The following MLLT1 variants were observed in gnomAD, a reference collection of about 807,000 sequenced individuals.
MLLT1 encodes MLLT1 super elongation complex subunit.
In MLLT1, 11 loss-of-function variants were observed where a neutral mutation model predicts 55.1. The ratio of observed to expected loss-of-function variants is 0.20; its 90% CI spans 0.13 to 0.33. MLLT1 has a LOEUF of 0.33. MLLT1 is among the 10% of genes least tolerant of loss of function. MLLT1 has a pLI of 1.00. For missense variants in MLLT1, 536 were observed against 760.6 expected (o/e 0.70, Z 3.47); for synonymous variants, 323 against 320.1 (o/e 1.01, Z -0.10).
Position 6,213,173 on chromosome 19 carries a change from G to A in MLLT1, c.1552-3C>T. The A allele has an allele frequency of 6.2e-7, 1 of 1,613,964 alleles. No individual in the cohort carries two copies. Among genetic ancestry groups the A allele is most frequent in the Non-Finnish European group, 8.5e-7 (1 of 1,179,884 alleles). ...GTCTCCTCGATCAGATTCACAATCTGTAAGGTGGTGGCAGGTGGCTTCAGG... is the reference window on the plus strand; with the variant it reads ...GTCTCCTCGATCAGATTCACAATCTATAAGGTGGTGGCAGGTGGCTTCAGG... On this transcript the variant is annotated splice_polypyrimidine_tract_variant and splice_region_variant and intron_variant, in intron 11 of 11. Coordinates refer to ENST00000252674, the MANE Select transcript of MLLT1 (RefSeq NM_005934.4).
intron 1 of MLLT1, among the ~76,000 whole-genome samples, chr19:6,279,259 G>T (rs1401477700): frequency 6.6e-6 from 1 of 152,128 alleles, no homozygotes; most frequent in Non-Finnish European, 1.5e-5. Context: ...CGGGGACAAG[G>T]GTCCAGACAG....
At position 6,226,866 on chromosome 19, in the gene MLLT1, G is replaced by A; in HGVS notation, c.546+111C>T. 2.4e-6 allele frequency: 2 copies of A among 828,254 alleles called. No individual in the cohort carries two copies. The highest frequency in any genetic ancestry group is 3.5e-6 in the Non-Finnish European group (2 of 569,456). The allele number at this position is 828,254 out of a possible 1,614,324, so 51.3% of individuals were successfully genotyped here. A position where few individuals can be genotyped will look rare whatever the true frequency, so the allele number is the denominator to read the frequency against. On this transcript the variant is annotated intron_variant, in intron 5 of 11. Transcript: ENST00000252674. This position sits in a 1 kb window ranked among gnomAD's most constrained non-coding sequence, Gnocchi z 6.3. ...AGAGCTCAAAGAGGAAGACGCCAAG[G>A]GAGCGAGCAGGTGCGGAAGGCCCAG...
chr19:6,213,967 G>A lies in MLLT1; in HGVS notation c.1379C>T (p.Pro460Leu). 3 of 1,459,602 alleles carry A rather than the reference G, an allele frequency of 2.1e-6. No homozygotes were observed. Among genetic ancestry groups the A allele is most frequent in the South Asian group, 1.5e-5 (1 of 66,198 alleles). 90.4% of individuals were successfully genotyped at this position (1,459,602 alleles called of 1,614,324 possible). ...GCTGTTGGGCGGGGGTGGCTTCTGG[G>A]GGGGTGGGGGCTCACGGCTGGGCAG... is the stretch of plus-strand genomic sequence containing the variant. ...SSLPSREPPP[P>L]QKPPPPNSKV... The change falls in exon 9 of 12, where the codon CCC (proline) becomes CTC (leucine). Residue 460 changes from proline (P) to leucine (L), a missense_variant. By Grantham distance (98) the Pro-to-Leu change is moderately conservative (BLOSUM62 -3). Around this residue, in one of 3 missense-constraint regions of MLLT1, gnomAD observed 449 missense variants for 489.0 expected, o/e 0.92. Transcript: ENST00000252674.
At chr19:6,279,437 C>A (rs955441785) in intron 1 of MLLT1, among the ~76,000 whole-genome samples, 4 of 152,012 alleles carry the variant, frequency 2.6e-5, no homozygotes, top group African/African-American at 9.7e-5. Context: ...CTAAGCCGGG[C>A]TGGGGTCCCC....
chr19:6,231,600 C>T lies in MLLT1; in HGVS notation c.277-887G>A, dbSNP rs934875666. Among the ~76,000 whole-genome samples the T allele has an allele frequency of 2.0e-5, 3 of 152,036 alleles. No individual in the cohort carries two copies. The highest frequency in any genetic ancestry group is 7.2e-5 in the African/African-American group (3 of 41,406). On this transcript the variant is annotated intron_variant, in intron 3 of 11. Transcript: ENST00000252674. This position sits in a 1 kb window ranked among gnomAD's most constrained non-coding sequence, Gnocchi z 5.1. The stretch of plus-strand genomic sequence containing the variant: ...GATCTCGGCTCACTGCAAGCTCCAC[C>T]TCCCTGGTTCATGCCTGGAGCCTCC...
At position 6,226,940 on chromosome 19, in the gene MLLT1, G is replaced by T; in HGVS notation, c.546+37C>A. ...GCCAGACCCACCACAGCTGGGCCCC[G>T]GCGCTCCCACGCGACTGGGCCTTCC... On this transcript the variant is annotated intron_variant, in intron 5 of 11. Transcript: ENST00000252674. This position sits in a 1 kb window ranked among gnomAD's most constrained non-coding sequence, Gnocchi z 6.3. 1.3e-6 allele frequency: 2 copies of T among 1,517,824 alleles called. No individual in the cohort carries two copies. Among genetic ancestry groups the T allele is most frequent in the African/African-American group, 1.4e-5 (1 of 70,272 alleles). The allele number at this position is 1,517,824 out of a possible 1,614,324, so 94.0% of individuals were successfully genotyped here.
chr19:6,229,723 T>G lies in MLLT1; in HGVS notation c.420+847A>C, dbSNP rs980245144. ...TGACACCACACACCACACCCCTACA[T>G]GCCACACATGCCACACACTGTACAT... is the stretch of plus-strand genomic sequence containing the variant. On this transcript the variant is annotated intron_variant, in intron 4 of 11. Coordinates refer to ENST00000252674, the MANE Select transcript of MLLT1 (RefSeq NM_005934.4). This position sits in a 1 kb window ranked among gnomAD's most constrained non-coding sequence, Gnocchi z 5.2. Among the ~76,000 whole-genome samples the G allele has an allele frequency of 1.3e-5, 2 of 150,236 alleles. No individual in the cohort carries two copies. The highest frequency in any genetic ancestry group is 4.9e-5 in the African/African-American group (2 of 40,710).
chr19:6,259,579 G>A (rs1197130478), intron 3 of MLLT1: 1 of 152,076 alleles, frequency 6.6e-6, no homozygotes, highest in African/African-American at 2.4e-5. Context: ...GGACCTTGCC[G>A]TGGGGCCACT....
intron 3 of MLLT1, among the ~76,000 whole-genome samples, chr19:6,247,201 G>A (rs1270855849): frequency 2.0e-5 from 3 of 152,248 alleles, no homozygotes; most frequent in South Asian, 2.1e-4. Context: ...GGTGGGGGTG[G>A]TTTCCTAGCT....
chr19:6,231,264 G>A lies in MLLT1; in HGVS notation c.277-551C>T, dbSNP rs571983617. On this transcript the variant is annotated intron_variant, in intron 3 of 11. Transcript: ENST00000252674. The surrounding 1 kb of genome is among the most constrained non-coding windows in gnomAD (Gnocchi z 5.1). Reference sequence around the variant, plus strand: ...ACTTTGGGTGCCGCCCCGCACCCTCGCCACCCCAGAAGACAGGGACGCTCG... The same window carrying A: ...ACTTTGGGTGCCGCCCCGCACCCTCACCACCCCAGAAGACAGGGACGCTCG... 3.9e-5 allele frequency among the ~76,000 whole-genome samples: 6 copies of A among 152,274 alleles called. No homozygotes were observed. The highest frequency in any genetic ancestry group is 2.1e-4 in the South Asian group (1 of 4,826).
chr19:6,254,961 A>AC (rs1342045756), intron 3 of MLLT1, among the ~76,000 whole-genome samples: 2 of 134,814 alleles, frequency 1.5e-5, no homozygotes, highest in East Asian at 2.0e-4. Flanking sequence ...AGCCACACAC[A>AC]AAAAAAAAAA....
At chr19:6,257,861 C>G (rs564800883) in intron 3 of MLLT1, among the ~76,000 whole-genome samples, 1 of 152,116 alleles carries the variant, frequency 6.6e-6, no homozygotes, top group African/African-American at 2.4e-5. Context: ...GAAAGAGATA[C>G]GTGCAGCCAG....
rs902367984 is a variant in MLLT1 at position 6,235,489 on chromosome 19, G to A, written c.277-4776C>T. Among the ~76,000 whole-genome samples, 2 of 152,206 alleles carry A rather than the reference G, an allele frequency of 1.3e-5. No homozygotes were observed. Among genetic ancestry groups the A allele is most frequent in the African/African-American group, 2.4e-5 (1 of 41,452 alleles). ...GGCTAAGAAGGGCACCTGGGGAGGCGCAGCCAGACGGTACCAAAGCACTGG... is the reference window on the plus strand; with the variant it reads ...GGCTAAGAAGGGCACCTGGGGAGGCACAGCCAGACGGTACCAAAGCACTGG... On this transcript the variant is annotated intron_variant, in intron 3 of 11. Coordinates refer to ENST00000252674, the MANE Select transcript of MLLT1 (RefSeq NM_005934.4). This position sits in a 1 kb window ranked among gnomAD's most constrained non-coding sequence, Gnocchi z 5.5.
intron 1 of MLLT1, among the ~76,000 whole-genome samples, chr19:6,279,521 G>A (rs374593883): frequency 3.3e-5 from 5 of 151,976 alleles, no homozygotes; most frequent in African/African-American, 1.2e-4. Context: ...GCCAGGCTGG[G>A]GGGTCACCAG....
At chr19:6,214,288 G>A (rs2090816580) in intron 8 of MLLT1, among the ~76,000 whole-genome samples, 1 of 152,178 alleles carries the variant, frequency 6.6e-6, no homozygotes, top group African/African-American at 2.4e-5. Flanking sequence ...AGAGTGCTCC[G>A]GGATACCCGG....
At chr19:6,265,409 G>A (rs942590592) in intron 2 of MLLT1, among the ~76,000 whole-genome samples, 5 of 152,156 alleles carry the variant, frequency 3.3e-5, no homozygotes, top group South Asian at 2.1e-4. Flanking sequence ...AGTGGCTCCC[G>A]CCTGTAATCC....
chr19:6,247,319 C>T (rs965598601), intron 3 of MLLT1, among the ~76,000 whole-genome samples: 7 of 152,162 alleles, frequency 4.6e-5, no homozygotes, highest in Non-Finnish European at 8.8e-5. Context: ...GGAACTAAGG[C>T]TCCTGGGAGC....
chr19:6,222,184 C>T lies in MLLT1; in HGVS notation c.1047G>A (p.Glu349=), dbSNP rs781222172. ...CCTCCACCTCCAGGGCCTTTTTGGC[C>T]TCCCGGGGCTCACTCTCGGCCTTCA... ...EKVKAESEPR[E]AKKALEVEES... Residue 349 remains glutamate, a synonymous_variant, in exon 6 of 12, where the codon GAG becomes GAA. Transcript: ENST00000252674. The surrounding 1 kb of genome is among the most constrained non-coding windows in gnomAD (Gnocchi z 4.1). The T allele has an allele frequency of 1.3e-6, 2 of 1,587,352 alleles. No homozygotes were observed. Among genetic ancestry groups the T allele is most frequent in the South Asian group, 2.3e-5 (2 of 87,872 alleles).
chr19:6,231,791 G>A lies in MLLT1; in HGVS notation c.277-1078C>T, dbSNP rs1260569195. ...GCTGGGATTACAGGTGTGAGCCACC[G>A]CGCCCAGCTGAAGCAAGACAATTTC... is the stretch of plus-strand genomic sequence containing the variant. On this transcript the variant is annotated intron_variant, in intron 3 of 11. Transcript: ENST00000252674. This position sits in a 1 kb window ranked among gnomAD's most constrained non-coding sequence, Gnocchi z 5.1. Among the ~76,000 whole-genome samples, 2 of 151,768 alleles carry A rather than the reference G, an allele frequency of 1.3e-5. No homozygotes were observed. The highest frequency in any genetic ancestry group is 2.4e-5 in the African/African-American group (1 of 41,326).
Sources: allele counts gnomAD v4.1 joint callset (sites outside exome capture counted in the v4.1 genomes callset), GRCh38; gene constraint gnomAD v4.1.1; regional missense constraint gnomAD v4.1.1; non-coding constraint Gnocchi (gnomAD v3.1); transcripts MANE v1.5; gene names NCBI Gene and HGNC (gene_info 2026-07-23, HGNC 2026-07-21).